Variants in PRR16 observed in about 807,000 individuals in gnomAD.
PRR16 encodes the protein protein Largen.
Under a neutral mutation model 18.2 loss-of-function variants are expected in PRR16, and 6 were observed. That is an observed-to-expected ratio of 0.33 (90% CI 0.18 to 0.65). The LOEUF (loss-of-function observed/expected upper bound fraction) is 0.65, where lower values mean the gene tolerates loss of function less well. Ranked by LOEUF, PRR16 falls within the 30% of genes least tolerant of loss-of-function variation. The probability of loss-of-function intolerance (pLI) is 0.74; values close to 1 mark genes in which losing one functional copy is unlikely to be tolerated. For synonymous variants in PRR16, 151 were observed against 147.8 expected, an observed-to-expected ratio of 1.02 and a Z score of -0.16; for missense variants, 412 against 376.6, an observed-to-expected ratio of 1.09 and a Z score of -0.78.
At chr5:120,485,959 T>A (rs186280637) in intron 1 of PRR16, among the ~76,000 whole-genome samples, 1 of 152,182 alleles carries the variant, frequency 6.6e-6, no homozygotes, top group Non-Finnish European at 1.5e-5. Context: ...TTCATCCATG[T>A]CCCTACAAAG....
At chr5:120,786,597 ATG>A in the PRR16 span, among the ~76,000 whole-genome samples, 2 of 149,304 alleles carry the variant, frequency 1.3e-5, no homozygotes, top group East Asian at 1.9e-4. Flanking sequence ...ATATACAAAA[ATG>A]TGTGTAATTA....
intron 1 of PRR16, among the ~76,000 whole-genome samples, chr5:120,648,345 T>G (rs1171332737): frequency 6.6e-6 from 1 of 152,110 alleles, no homozygotes; most frequent in Admixed American, 6.6e-5. Flanking sequence ...GGTATTAGCT[T>G]TTTTTAATAA....
chr5:120,771,865 C>T, the PRR16 span, among the ~76,000 whole-genome samples: 1 of 151,338 alleles, frequency 6.6e-6, no homozygotes, highest in Admixed American at 6.6e-5. Flanking sequence ...AATTATGTAG[C>T]CATTAAATAA....
chr5:120,488,499 A>T (rs932403973), intron 1 of PRR16, among the ~76,000 whole-genome samples: 1 of 151,940 alleles, frequency 6.6e-6, no homozygotes, highest in Non-Finnish European at 1.5e-5. Context: ...GTGATATCCC[A>T]TTTATCATTT....
intron 1 of PRR16, among the ~76,000 whole-genome samples, chr5:120,649,889 CTCA>C (rs977477945): frequency 7.9e-5 from 12 of 151,846 alleles, no homozygotes; most frequent in Admixed American, 4.6e-4. Context: ...AATAAATTCT[CTCA>C]TCATTATTCT....
rs576767334 is a variant in PRR16 at position 120,613,667 on chromosome 5, C to T, written c.160-72287C>T. Among the ~76,000 whole-genome samples the T allele has an allele frequency of 1.5e-3, 234 of 152,236 alleles. 1 individual carries two copies. The highest frequency in any genetic ancestry group is 5.3e-3 in the African/African-American group (220 of 41,552). ...TTTTCTTGGGTCTTCTATGCAATTT[C>T]AACAGCATACTTATATTCTAGTACT... On this transcript the variant is annotated intron_variant, in intron 1 of 1. Coordinates refer to ENST00000407149, the MANE Select transcript of PRR16 (RefSeq NM_001300783.2).
intron 1 of PRR16, among the ~76,000 whole-genome samples, chr5:120,475,069 G>C (rs1362048645): frequency 6.6e-6 from 1 of 152,194 alleles, no homozygotes; most frequent in African/African-American, 2.4e-5. Flanking sequence ...ACTGACAACT[G>C]TTAACTTCTC....
intron 1 of PRR16, among the ~76,000 whole-genome samples, chr5:120,646,049 TATATA>T (rs1325107045): frequency 1.9e-4 from 12 of 64,644 alleles, no homozygotes; most frequent in Admixed American, 4.8e-4. Flanking sequence ...ATACATATTT[TATATA>T]TATATATATA....
chr5:120,474,777 AAT>A (rs1749385983), intron 1 of PRR16, among the ~76,000 whole-genome samples: 1 of 152,050 alleles, frequency 6.6e-6, no homozygotes, highest in African/African-American at 2.4e-5. Flanking sequence ...GATTTGGGTA[AAT>A]ATGTGTGTTT....
intron 1 of PRR16, among the ~76,000 whole-genome samples, chr5:120,474,081 GA>G (rs1470864862): frequency 1.3e-5 from 2 of 152,186 alleles, no homozygotes. Flanking sequence ...AGGGTGGCAG[GA>G]GTGGACGAGC....
intron 1 of PRR16, among the ~76,000 whole-genome samples, chr5:120,469,147 G>T (rs1237103460): frequency 6.6e-6 from 1 of 152,138 alleles, no homozygotes; most frequent in Non-Finnish European, 1.5e-5. Context: ...GATGAAAACA[G>T]AATTAACAAT....
intron 1 of PRR16, among the ~76,000 whole-genome samples, chr5:120,663,124 G>A (rs1044759006): frequency 2.0e-5 from 3 of 152,058 alleles, no homozygotes; most frequent in South Asian, 2.1e-4. Context: ...GTGAAAATGC[G>A]AGGGCTTTTG....
chr5:120,544,381 C>A (rs1752009930), intron 1 of PRR16, among the ~76,000 whole-genome samples: 1 of 152,102 alleles, frequency 6.6e-6, no homozygotes, highest in South Asian at 2.1e-4. Flanking sequence ...TATGCCGGAA[C>A]CCATCCTTTG....
chr5:120,523,398 T>C (rs1457864490), intron 1 of PRR16, among the ~76,000 whole-genome samples: 4 of 152,206 alleles, frequency 2.6e-5, no homozygotes, highest in Non-Finnish European at 5.9e-5. Flanking sequence ...TATTTTTTAC[T>C]AATGAGGCAA....
the PRR16 span, among the ~76,000 whole-genome samples, chr5:120,695,854 T>C: frequency 6.6e-6 from 1 of 152,124 alleles, no homozygotes; most frequent in Non-Finnish European, 1.5e-5. Context: ...TTGTAAGCCT[T>C]GCTCTGTAGA....
the PRR16 span, among the ~76,000 whole-genome samples, chr5:120,748,844 G>T: frequency 6.6e-6 from 1 of 152,094 alleles, no homozygotes; most frequent in Non-Finnish European, 1.5e-5. Context: ...ATGAGAGCGT[G>T]CAGCAATCTA....
chr5:120,586,993 C>G (rs924335323), intron 1 of PRR16, among the ~76,000 whole-genome samples: 2 of 152,198 alleles, frequency 1.3e-5, no homozygotes, highest in Non-Finnish European at 2.9e-5. Context: ...CTCTGGTGAA[C>G]ACACAAATGA....
chr5:120,732,595 C>T, the PRR16 span, among the ~76,000 whole-genome samples: 2 of 152,116 alleles, frequency 1.3e-5, no homozygotes, highest in Non-Finnish European at 2.9e-5. Context: ...TCCCAAGGGC[C>T]TGATGGGGAT....
At position 120,686,462 on chromosome 5, in the gene PRR16, G is replaced by A. The variant is rs764059932; in HGVS notation, c.668G>A (p.Arg223Gln). The A allele has an allele frequency of 7.7e-5, 125 of 1,613,858 alleles. No individual in the cohort carries two copies. The highest frequency in any genetic ancestry group is 2.2e-4 in the South Asian group (20 of 91,064). The part of the protein sequence containing the change: ...YHGYCPDCDT[R>Q]YNIKNREVHL... ...GGCTATTGTCCTGACTGTGATACCC[G>A]GTATAACATAAAAAACAGGGAGGTC... is the stretch of plus-strand genomic sequence containing the variant. The change falls in exon 2 of 2, where the codon CGG (arginine) becomes CAG (glutamine). Residue 223 changes from arginine (R) to glutamine (Q), a missense_variant. Physicochemically the swap from Arg to Gln is conservative, Grantham distance 43 (BLOSUM62 1). Transcript: ENST00000407149.
Sources: gnomAD v4.1 joint callset for allele counts (sites outside exome capture counted in the v4.1 genomes callset) on GRCh38, gnomAD v4.1.1 for gene constraint, MANE v1.5 for transcripts, NCBI Gene and HGNC (gene_info 2026-07-23, HGNC 2026-07-21) for gene names.